The following PARG variants were observed in gnomAD, a reference collection of about 807,000 sequenced individuals.
The protein encoded by PARG is mitochondrial poly(ADP-ribose) glycohydrolase.
PARG carries 35 observed loss-of-function variants against 113.0 expected under a neutral mutation model. The observed-to-expected ratio is 0.31, with a 90% CI of 0.24 to 0.41. The LOEUF is 0.41. Among genes scored for constraint, PARG ranks in the 10% least tolerant of loss-of-function variants. The pLI is 1.00. For synonymous variants in PARG, 330 were observed against 409.9 expected, an observed-to-expected ratio of 0.81 and a Z score of 2.36; for missense variants, 797 against 1,169.4, an observed-to-expected ratio of 0.68 and a Z score of 4.64.
intron 1 of PARG, 102 bp downstream of exon 1, chr10:49,941,407 A>G: frequency 1.1e-6 from 1 of 947,616 alleles, no homozygotes; most frequent in Non-Finnish European, 1.7e-6. Flanking sequence ...GTGACGATGC[A>G]CACAAGACCA....
At chr10:49,825,831 A>C (rs1434937947) in intron 16 of PARG, among the ~76,000 whole-genome samples, 1 of 152,194 alleles carries the variant, frequency 6.6e-6, no homozygotes, top group Non-Finnish European at 1.5e-5. Flanking sequence ...CAGCTCACAG[A>C]TAGTTAAAAA....
chr10:49,866,906 T>A (rs868987425), intron 10 of PARG, among the ~76,000 whole-genome samples: 1 of 151,928 alleles, frequency 6.6e-6, no homozygotes, highest in Non-Finnish European at 1.5e-5. Context: ...GAAGGCTTTT[T>A]AAAATACTTC....
chr10:49,877,431 A>G (rs1846999182), intron 9 of PARG, among the ~76,000 whole-genome samples: 2 of 151,446 alleles, frequency 1.3e-5, no homozygotes, highest in South Asian at 4.2e-4. Flanking sequence ...AGAAACAATG[A>G]CACTCTAGCA....
At chr10:49,879,914 T>G (rs1376124719) in intron 8 of PARG, 84 bp from the exon 9 acceptor site, 72 of 643,506 alleles carry the variant, frequency 1.1e-4, no homozygotes, top group Non-Finnish European at 1.9e-4. Flanking sequence ...AAATTGCATT[T>G]GCTAAATTAA....
chr10:49,925,791 C>T (rs576912763), intron 4 of PARG, among the ~76,000 whole-genome samples: 6 of 152,352 alleles, frequency 3.9e-5, no homozygotes, highest in African/African-American at 1.4e-4. Context: ...AAGAAAATCT[C>T]GAATCCCTTT....
In PARG at chr10:49,927,373, A is replaced by AGAAGGAAAGAAG. The variant is rs1356839505; in HGVS notation, c.1456-4705_1456-4704insCTTCTTTCCTTC. On this transcript the variant is annotated intron_variant, in intron 4 of 17. Transcript: ENST00000616448. ...AGGAAAGAAAGAAGGAAAGAAGGAA[A>AGAAGGAAAGAAG]GAAAGAAAGAAAGAAAGAAAGAAAG... 5.9e-4 allele frequency among the ~76,000 whole-genome samples: 13 copies of AGAAGGAAAGAAG among 22,132 alleles called. No homozygotes were observed. In the South Asian group the frequency reaches 0.01, roughly 17 times the overall value. The allele number at this position is 22,132 out of a possible 152,430, so 14.5% of individuals were successfully genotyped here.
intron 7 of PARG, among the ~76,000 whole-genome samples, chr10:49,904,056 T>G (rs1848464469): frequency 6.6e-6 from 1 of 151,658 alleles, no homozygotes; most frequent in East Asian, 2.0e-4. Flanking sequence ...GAGCCGAAAC[T>G]CAAGAAGTAT....
intron 6 of PARG, among the ~76,000 whole-genome samples, chr10:49,917,500 A>AG (rs1564655921): frequency 1.3e-5 from 2 of 149,932 alleles, no homozygotes; most frequent in Non-Finnish European, 3.0e-5. Flanking sequence ...AAAAAAAAAA[A>AG]AAAAAAAGAA....
At chr10:49,910,110 TTTAAA>T (rs1338559558) in intron 7 of PARG, among the ~76,000 whole-genome samples, 1 of 152,142 alleles carries the variant, frequency 6.6e-6, no homozygotes, top group Non-Finnish European at 1.5e-5. Flanking sequence ...CCATTTACCT[TTTAAA>T]TTAAGTAGCA....
At chr10:49,908,999 G>A (rs574140632) in intron 7 of PARG, among the ~76,000 whole-genome samples, 2 of 152,254 alleles carry the variant, frequency 1.3e-5, no homozygotes, top group East Asian at 3.9e-4. Flanking sequence ...AATGAAGAGA[G>A]AAGAAAAATC....
intron 4 of PARG, among the ~76,000 whole-genome samples, chr10:49,928,600 G>A (rs1290484135): frequency 6.6e-6 from 1 of 152,170 alleles, no homozygotes; most frequent in Non-Finnish European, 1.5e-5. Context: ...AAACTGCAGG[G>A]CTCAAGTAAT....
intron 13 of PARG, among the ~76,000 whole-genome samples, chr10:49,848,970 C>A (rs1403269497): frequency 1.3e-5 from 2 of 151,578 alleles, no homozygotes; most frequent in Non-Finnish European, 2.9e-5. Context: ...CCGAGGTGGG[C>A]GGATCACCTG....
intron 9 of PARG, among the ~76,000 whole-genome samples, chr10:49,878,494 T>C (rs1303510268): frequency 4.0e-5 from 6 of 150,174 alleles, no homozygotes; most frequent in African/African-American, 1.5e-4. Context: ...GGCATGCACC[T>C]GTAAGCCCAG....
intron 7 of PARG, among the ~76,000 whole-genome samples, chr10:49,888,269 A>C (rs1847596119): frequency 8.0e-6 from 1 of 125,272 alleles, no homozygotes; most frequent in Non-Finnish European, 1.7e-5. Context: ...TACAACACTC[A>C]AAAAAGTTTT....
intron 4 of PARG, among the ~76,000 whole-genome samples, chr10:49,924,801 G>A (rs1381641701): frequency 6.6e-6 from 1 of 152,100 alleles, no homozygotes; most frequent in Non-Finnish European, 1.5e-5. Context: ...ACCCCAAAAT[G>A]TATTTATTTG....
chr10:49,920,521 T>C (rs1207211198), intron 6 of PARG, among the ~76,000 whole-genome samples: 13 of 136,802 alleles, frequency 9.5e-5, no homozygotes, highest in Admixed American at 1.5e-4. Context: ...CATATATATG[T>C]ATATACATGT....
At chr10:49,888,133 A>T (rs1470592251) in intron 7 of PARG, among the ~76,000 whole-genome samples, 1 of 152,160 alleles carries the variant, frequency 6.6e-6, no homozygotes, top group African/African-American at 2.4e-5. Flanking sequence ...AGTGAAGTGT[A>T]GACTTTACCT....
chr10:49,831,286 G>A (rs1554830227), intron 16 of PARG, among the ~76,000 whole-genome samples: 4 of 152,074 alleles, frequency 2.6e-5, no homozygotes. Flanking sequence ...TTACTGATGA[G>A]GGGAAAGGCA....
intron 16 of PARG, among the ~76,000 whole-genome samples, chr10:49,824,881 C>T (rs561488203): frequency 5.3e-5 from 8 of 152,300 alleles, no homozygotes; most frequent in Admixed American, 1.3e-4. Flanking sequence ...CTCAAGAATG[C>T]ATGCCCTTGC....
Sources: gnomAD v4.1 joint callset for allele counts (sites outside exome capture counted in the v4.1 genomes callset) on GRCh38, gnomAD v4.1.1 for gene constraint, MANE v1.5 for transcripts, NCBI Gene and HGNC (gene_info 2026-07-23, HGNC 2026-07-21) for gene names.